The following RGS6 variants were observed in gnomAD, a reference collection of about 807,000 sequenced individuals.
RGS6 encodes the protein regulator of G-protein signaling 6.
In RGS6, 30 loss-of-function variants were observed where a neutral mutation model predicts 78.5. The ratio of observed to expected loss-of-function variants is 0.38; its 90% CI spans 0.29 to 0.52. The LOEUF (loss-of-function observed/expected upper bound fraction) is 0.52. RGS6 is among the 20% of genes least tolerant of loss of function. The probability of loss-of-function intolerance (pLI) is 0.85; values close to 1 mark genes in which losing one functional copy is unlikely to be tolerated. For missense variants in RGS6, 495 were observed against 609.7 expected (o/e 0.81, Z 1.98); for synonymous variants, 206 against 206.0 (o/e 1.00, Z 0.00).
chr14:71,936,113 A>G (rs1017381708), intron 1 of RGS6, among the ~76,000 whole-genome samples: 1 of 149,436 alleles, frequency 6.7e-6, no homozygotes, highest in African/African-American at 2.5e-5. Flanking sequence ...TGATATATGT[A>G]CATATACCAT....
chr14:72,523,414 C>A (rs568352021), intron 15 of RGS6, among the ~76,000 whole-genome samples: 1 of 152,290 alleles, frequency 6.6e-6, no homozygotes, highest in Admixed American at 6.5e-5. Context: ...GCTTCCTCAG[C>A]TGGTCATGAT....
At chr14:72,608,338 C>A in the RGS6 span, among the ~76,000 whole-genome samples, 2 of 152,118 alleles carry the variant, frequency 1.3e-5, no homozygotes, top group Non-Finnish European at 2.9e-5. Flanking sequence ...AGTCCTATAC[C>A]CACAGGCTGT....
the RGS6 span, among the ~76,000 whole-genome samples, chr14:71,896,552 T>G: frequency 1.3e-5 from 2 of 152,200 alleles, no homozygotes; most frequent in South Asian, 2.1e-4. Flanking sequence ...GTGCCAACCT[T>G]CTATCTCATC....
intron 3 of RGS6, among the ~76,000 whole-genome samples, chr14:72,422,759 G>C (rs1323656005): frequency 1.3e-5 from 2 of 152,190 alleles, no homozygotes; most frequent in African/African-American, 2.4e-5. Flanking sequence ...GAGGGCAGAG[G>C]AGGTCAAACA....
chr14:72,029,590 A>G (rs1416085077), intron 2 of RGS6, among the ~76,000 whole-genome samples: 12 of 152,094 alleles, frequency 7.9e-5, no homozygotes, highest in Admixed American at 7.9e-4. Context: ...CAGGAACTGA[A>G]CCCAACTGTG....
At chr14:72,472,622 A>G (rs2096115123) in intron 8 of RGS6, among the ~76,000 whole-genome samples, 1 of 152,188 alleles carries the variant, frequency 6.6e-6, no homozygotes, top group Admixed American at 6.5e-5. Flanking sequence ...CACCATGTTC[A>G]TTACACATGT....
At chr14:72,324,028 T>G (rs1441566760) in intron 2 of RGS6, among the ~76,000 whole-genome samples, 1 of 151,994 alleles carries the variant, frequency 6.6e-6, no homozygotes, top group Non-Finnish European at 1.5e-5. Flanking sequence ...TCATTACCTC[T>G]TTGTGTTACA....
intron 2 of RGS6, among the ~76,000 whole-genome samples, chr14:72,072,500 G>A (rs2094443069): frequency 6.6e-6 from 1 of 151,888 alleles, no homozygotes; most frequent in African/African-American, 2.4e-5. Context: ...GTACAGACGG[G>A]GTATCACCGT....
the RGS6 span, among the ~76,000 whole-genome samples, chr14:71,900,147 A>C: frequency 6.6e-6 from 1 of 152,112 alleles, no homozygotes; most frequent in African/African-American, 2.4e-5. Context: ...AGCATCTTTG[A>C]AGTTTGTCCC....
the RGS6 span, chr14:72,629,717 C>T: frequency 4.6e-6 from 7 of 1,535,958 alleles, no homozygotes; most frequent in African/African-American, 8.2e-5. Flanking sequence ...TCAGGGTAAA[C>T]TGCAGGCAGG....
chr14:72,499,218 T>C (rs1403922357), intron 13 of RGS6, among the ~76,000 whole-genome samples: 2 of 152,214 alleles, frequency 1.3e-5, no homozygotes, highest in Admixed American at 6.5e-5. Context: ...AGAAAGCTAA[T>C]GTGTCTTTAA....
chr14:72,415,873 T>C (rs2093772871), intron 3 of RGS6, among the ~76,000 whole-genome samples: 1 of 152,110 alleles, frequency 6.6e-6, no homozygotes, highest in Non-Finnish European at 1.5e-5. Context: ...TATTCCTACA[T>C]CTGGCACAGC....
At chr14:72,465,622 G>GTGGATGGATGGATGGATGGA (rs551039934) in intron 6 of RGS6, 136 bp from the exon 7 acceptor site, 15 of 355,534 alleles carry the variant, frequency 4.2e-5, no homozygotes, top group Middle Eastern at 4.2e-4. Flanking sequence ...GGGTGGATGG[G>GTGGATGGATGGATGGATGGA]TGGATGGATG....
chr14:72,469,878 GATTTAAAGCAGGTCTTGCT>G (rs1420253569), intron 7 of RGS6, 110 bp from the exon 8 acceptor site: 3 of 670,180 alleles, frequency 4.5e-6, no homozygotes, highest in African/African-American at 3.6e-5. Context: ...ATGTCCAGGG[GATTTAAAGCAGGTCTTGCT>G]ATTTTGTTGG....
At chr14:72,477,080 C>T (rs986779764) in intron 11 of RGS6, 6 of 483,638 alleles carry the variant, frequency 1.2e-5, no homozygotes, top group African/African-American at 7.9e-5. Flanking sequence ...TGAGTCATCC[C>T]ATGCCTTGGG....
At chr14:72,143,154 T>G (rs1420348108) in intron 2 of RGS6, among the ~76,000 whole-genome samples, 2 of 152,054 alleles carry the variant, frequency 1.3e-5, no homozygotes, top group Admixed American at 1.3e-4. Context: ...GATCACTTGA[T>G]GTTAGGTGTT....
rs113800024 is a variant in RGS6 at position 71,935,478 on chromosome 14, T to A, written c.-21+2537T>A. On this transcript the variant is annotated intron_variant, in intron 1 of 17. Coordinates refer to ENST00000553525, the MANE Select transcript of RGS6 (RefSeq NM_001204424.2). Reference sequence around the variant, plus strand: ...TGGAAATGTGTTAAAGGCTTGGGAATTTACTGCTTGTTTACAGAATGATTT... The same window carrying A: ...TGGAAATGTGTTAAAGGCTTGGGAAATTACTGCTTGTTTACAGAATGATTT... Among the ~76,000 whole-genome samples, 1,391 of 152,328 alleles carry A rather than the reference T, an allele frequency of 9.1e-3. 19 individuals carry two copies. The highest frequency in any genetic ancestry group is 0.032 in the African/African-American group (1,327 of 41,554).
Position 72,394,381 on chromosome 14 carries a change from C to T in RGS6, c.184+42187C>T, listed in dbSNP as rs192497524. Reference sequence around the variant, plus strand: ...TATGACAAGGCAAATGGAGGTGGGGCGAGATCACAGGCCCGGGGCGAAATT... The same window carrying T: ...TATGACAAGGCAAATGGAGGTGGGGTGAGATCACAGGCCCGGGGCGAAATT... On this transcript the variant is annotated intron_variant, in intron 3 of 17. Transcript: ENST00000553525. Among the ~76,000 whole-genome samples, 193 of 152,054 alleles carry T rather than the reference C, an allele frequency of 1.3e-3. 2 individuals are homozygous for T. Among genetic ancestry groups the T allele is most frequent in the African/African-American group, 4.4e-3 (181 of 41,488 alleles).
intron 2 of RGS6, among the ~76,000 whole-genome samples, chr14:72,305,070 A>G (rs1230992762): frequency 2.0e-5 from 3 of 152,162 alleles, no homozygotes; most frequent in Admixed American, 1.3e-4. Flanking sequence ...TTTAGTTTAC[A>G]GTTTTACAAG....
Sources: allele counts gnomAD v4.1 joint callset (sites outside exome capture counted in the v4.1 genomes callset), GRCh38; gene constraint gnomAD v4.1.1; transcripts MANE v1.5; gene names NCBI Gene and HGNC (gene_info 2026-07-23, HGNC 2026-07-21).